LRRFIP1: variants seen among roughly 807,000 people sequenced by gnomAD.
LRRFIP1 encodes the protein leucine-rich repeat flightless-interacting protein 1.
A neutral mutation model predicts 104.4 loss-of-function variants in LRRFIP1; 62 were observed. The ratio of observed to expected loss-of-function variants is 0.59; its 90% CI spans 0.48 to 0.73. The LOEUF is 0.73. Among genes scored for constraint, LRRFIP1 ranks in the 30% least tolerant of loss-of-function variants. The pLI is 0.00. For synonymous variants in LRRFIP1, 300 were observed against 299.0 expected, an observed-to-expected ratio of 1.00 and a Z score of -0.03; for missense variants, 796 against 824.5, an observed-to-expected ratio of 0.97 and a Z score of 0.42.
At chr2:237,722,448 A>T (rs1288162891) in intron 6 of LRRFIP1, among the ~76,000 whole-genome samples, 1 of 152,206 alleles carries the variant, frequency 6.6e-6, no homozygotes, top group Non-Finnish European at 1.5e-5. Context: ...TTACGGTGTT[A>T]TGTAACAGCA....
intron 1 of LRRFIP1, among the ~76,000 whole-genome samples, chr2:237,679,790 T>G (rs568730344): frequency 6.6e-6 from 1 of 152,272 alleles, no homozygotes; most frequent in East Asian, 1.9e-4. Context: ...GTATTTTTAG[T>G]AGAGACAGGG....
At chr2:237,779,317 TATC>T in intron 23 of LRRFIP1, 102 bp from the exon 24 acceptor site, 5 of 1,458,382 alleles carry the variant, frequency 3.4e-6, no homozygotes, top group South Asian at 1.4e-5. Flanking sequence ...GGGGCCAAGT[TATC>T]ATTTTATTTT....
rs117737442 is a variant in LRRFIP1 at position 237,675,642 on chromosome 2, G to A, written c.97-32902G>A. Among the ~76,000 whole-genome samples, 476 of 152,250 alleles carry A rather than the reference G, an allele frequency of 3.1e-3. 9 individuals are homozygous for A. In the East Asian group the frequency reaches 0.047, roughly 15 times the overall value. ...TTCTTTTCGAATGAAGTTATGGAAG[G>A]AAATGAACTTTGTTATTTTCCCCCT... On this transcript the variant is annotated intron_variant, in intron 1 of 23. Coordinates refer to ENST00000308482, the MANE Select transcript of LRRFIP1 (RefSeq NM_001137550.2).
intron 1 of LRRFIP1, among the ~76,000 whole-genome samples, chr2:237,628,052 A>C (rs1307143597): frequency 1.3e-4 from 19 of 151,386 alleles, no homozygotes; most frequent in Non-Finnish European, 2.4e-4. Context: ...GGGCGCCGCC[A>C]GCGCGCGAGG....
chr2:237,635,414 A>AGTGT (rs1190490793), intron 1 of LRRFIP1, among the ~76,000 whole-genome samples: 1 of 152,210 alleles, frequency 6.6e-6, no homozygotes, highest in Non-Finnish European at 1.5e-5. Context: ...CAATGAAAGG[A>AGTGT]GTGTGGGGAT....
At chr2:237,687,473 G>A (rs1026223918) in intron 1 of LRRFIP1, among the ~76,000 whole-genome samples, 9 of 151,874 alleles carry the variant, frequency 5.9e-5, no homozygotes, top group East Asian at 3.9e-4. Context: ...GCGTGGTGGC[G>A]CACACCTGTA....
intron 1 of LRRFIP1, among the ~76,000 whole-genome samples, chr2:237,635,438 G>T (rs1347920310): frequency 6.6e-6 from 1 of 152,188 alleles, no homozygotes; most frequent in Non-Finnish European, 1.5e-5. Flanking sequence ...GGTGGAAGCA[G>T]GTTGTCAAGT....
chr2:237,734,418 T>C (rs577143510), intron 9 of LRRFIP1, among the ~76,000 whole-genome samples: 10 of 151,884 alleles, frequency 6.6e-5, no homozygotes, highest in African/African-American at 2.2e-4. Context: ...GTAGCTGGGA[T>C]TACAGGCACG....
At chr2:237,657,770 C>A (rs1410737061) in intron 1 of LRRFIP1, among the ~76,000 whole-genome samples, 1 of 152,044 alleles carries the variant, frequency 6.6e-6, no homozygotes, top group Non-Finnish European at 1.5e-5. Flanking sequence ...GAATATCGTC[C>A]CCATAATTCC....
intron 11 of LRRFIP1, among the ~76,000 whole-genome samples, chr2:237,743,032 CAAA>C (rs3215065): frequency 2.0e-5 from 3 of 148,382 alleles, no homozygotes; most frequent in South Asian, 2.1e-4. Context: ...CCCAAAAAAA[CAAA>C]AAAAAAACAT....
chr2:237,704,729 G>C (rs1008669604), intron 1 of LRRFIP1, among the ~76,000 whole-genome samples: 5 of 152,144 alleles, frequency 3.3e-5, no homozygotes, highest in African/African-American at 1.2e-4. Context: ...GGGCTGCAAG[G>C]ATTTGGAATT....
intron 1 of LRRFIP1, chr2:237,692,106 G>A (rs2092821631): frequency 1.2e-6 from 1 of 811,372 alleles, no homozygotes; most frequent in African/African-American, 2.1e-5. Flanking sequence ...GCGGGGACGG[G>A]GCGGGGCGTA....
At chr2:237,681,675 A>ATTTTTTTT (rs1359912875) in intron 1 of LRRFIP1, among the ~76,000 whole-genome samples, 3 of 54,614 alleles carry the variant, frequency 5.5e-5, no homozygotes, top group South Asian at 6.0e-4. Context: ...CCGCAGTCCT[A>ATTTTTTTT]TTCTTTTTTT....
chr2:237,762,838 T>C, intron 19 of LRRFIP1: 1 of 1,614,114 alleles, frequency 6.2e-7, no homozygotes, highest in Admixed American at 1.7e-5. Flanking sequence ...AAAGCCAAAT[T>C]CTTGAGAGCA....
intron 1 of LRRFIP1, among the ~76,000 whole-genome samples, chr2:237,682,321 T>C (rs1260443140): frequency 6.6e-6 from 1 of 152,250 alleles, no homozygotes. Flanking sequence ...CTTGCAGTCC[T>C]CCGGGCAGTC....
rs185085874 is a variant in LRRFIP1, at chr2:237,698,105, C to T, written c.97-10439C>T. Among the ~76,000 whole-genome samples, 20 of 152,300 alleles carry T rather than the reference C, an allele frequency of 1.3e-4. No individual in the cohort carries two copies. In the East Asian group the frequency reaches 3.9e-3, roughly 29 times the overall value. ...TCAATCATTTTGTTCCCGATTAATA[C>T]GTTTGCTATTTTAGGATGCGAAGGA... On this transcript the variant is annotated intron_variant, in intron 1 of 23. Transcript: ENST00000308482.
In LRRFIP1 at chr2:237,735,270, G is replaced by A. The variant is rs546830819; in HGVS notation, c.492G>A (p.Ala164=). The A allele has an allele frequency of 3.1e-5, 50 of 1,613,418 alleles. No individual in the cohort carries two copies. The East Asian group carries it at 4.7e-4, about 15-fold the overall frequency. The stretch of plus-strand genomic sequence containing the variant: ...CTGACAGTCTCTTTTGGTCGCAGGC[G>A]TCTGTGTTGGATGAAGGCAGCTTCG... ...SAARPSGSYR[A]SVLDEGSFGG... is the part of the protein sequence containing the mutation. The change falls in exon 10 of 24, where the codon GCG becomes GCA. Residue 164 remains alanine, a splice_region_variant and synonymous_variant. Transcript: ENST00000308482. This position sits in a 1 kb window ranked among gnomAD's most constrained non-coding sequence, Gnocchi z 4.6.
intron 1 of LRRFIP1, chr2:237,692,092 T>G (rs1406003643): frequency 4.1e-6 from 2 of 486,596 alleles, no homozygotes; most frequent in African/African-American, 7.9e-5. Flanking sequence ...GGGCGAGTCA[T>G]GGGGCGGGGA....
At chr2:237,631,558 C>G (rs2082343659) in intron 1 of LRRFIP1, among the ~76,000 whole-genome samples, 1 of 152,216 alleles carries the variant, frequency 6.6e-6, no homozygotes, top group African/African-American at 2.4e-5. Context: ...TACGCACTTG[C>G]AGAAGCTCAT....
Sources: allele counts gnomAD v4.1 joint callset (sites outside exome capture counted in the v4.1 genomes callset), GRCh38; gene constraint gnomAD v4.1.1; non-coding constraint Gnocchi (gnomAD v3.1); transcripts MANE v1.5; gene names NCBI Gene and HGNC (gene_info 2026-07-23, HGNC 2026-07-21).